Variants in CSAD observed in about 807,000 individuals in gnomAD.
The protein encoded by CSAD is cysteine sulfinic acid decarboxylase.
In CSAD, 47 loss-of-function variants were observed where a neutral mutation model predicts 61.5. The ratio of observed to expected loss-of-function variants is 0.76; its 90% confidence interval spans 0.60 to 0.97. The LOEUF is 0.97. CSAD is among the 50% of genes least tolerant of loss of function. The pLI, the probability that CSAD is intolerant of heterozygous loss-of-function variation, is 0.00. For missense variants in CSAD, 611 were observed against 643.6 expected (o/e 0.95, Z 0.55); for synonymous variants, 245 against 252.7 (o/e 0.97, Z 0.29).
Position 53,161,342 on chromosome 12 carries a change from T to G in CSAD, c.750A>C (p.Leu250=). ...LVSATSGTTV[L]GAFDPLEAIA... is the part of the protein sequence containing the mutation. ...TTGCCTCCAGGGGGTCAAAGGCCCC[T>G]AGCACAGTGGTGCCAGAGGTGGCAC... The change falls in exon 11 of 17, where the codon CTA becomes CTC. Residue 250 remains leucine (L), a synonymous_variant. Transcript: ENST00000444623. The G allele has an allele frequency of 3.7e-6, 6 of 1,613,978 alleles. No individual in the cohort carries two copies. Among genetic ancestry groups the G allele is most frequent in the Non-Finnish European group, 5.1e-6 (6 of 1,179,984 alleles).
chr12:53,166,808 C>CA (rs1480310116), intron 10 of CSAD, among the ~76,000 whole-genome samples: 1 of 150,834 alleles, frequency 6.6e-6, no homozygotes, highest in Non-Finnish European at 1.5e-5. Flanking sequence ...AAAAACAAAA[C>CA]AAAACAAAAC....
chr12:53,172,613 C>T lies in CSAD; in HGVS notation c.162G>A (p.Gln54=). Residue 54 remains glutamine (Q), a synonymous_variant, in exon 5 of 17, where the codon CAG becomes CAA. Transcript: ENST00000444623. The part of the protein sequence containing the change: ...CEWKEPEELK[Q]LLDLELRSQG... ...GGCTCCGCAGCTCCAAATCCAGCAG[C>T]TGCTTCAGCTCCTCAGGCTCCTTCC... The T allele has an allele frequency of 6.2e-7, 1 of 1,610,312 alleles. No homozygotes were observed. Among genetic ancestry groups the T allele is most frequent in the Admixed American group, 1.7e-5 (1 of 59,764 alleles).
intron 1 of CSAD, chr12:53,180,267 C>A (rs1941471082): frequency 1.0e-6 from 1 of 985,300 alleles, no homozygotes; most frequent in Non-Finnish European, 1.2e-6. Context: ...GAAGAACCAC[C>A]TCGGCCGAGT....
intron 9 of CSAD, 50 bp from the exon 10 acceptor site, chr12:53,170,176 G>T: frequency 1.3e-6 from 2 of 1,547,888 alleles, no homozygotes; most frequent in Non-Finnish European, 1.8e-6. Context: ...CTCTGTTGAA[G>T]GCAGGGTAAG....
intron 3 of CSAD, 80 bp from the exon 4 acceptor site, chr12:53,173,556 C>A (rs561176926): frequency 2.2e-5 from 35 of 1,609,770 alleles, no homozygotes; most frequent in Non-Finnish European, 3.0e-5. Flanking sequence ...CTCTCCCAAA[C>A]GGGCCTGAGG....
Position 53,170,108 on chromosome 12 carries a change from C to A in CSAD, c.666G>T (p.Glu222Asp). 6.2e-7 allele frequency: 1 copy of A among 1,614,120 alleles called. No individual in the cohort carries two copies. The highest frequency in any genetic ancestry group is 8.5e-7 in the Non-Finnish European group (1 of 1,180,018). Residue 222 changes from glutamate to aspartate, a missense_variant, in exon 10 of 17, where the codon GAG becomes GAT. Glu to Asp is a conservative substitution (Grantham distance 45). Coordinates refer to ENST00000444623, the MANE Select transcript of CSAD (RefSeq NM_001244705.2). ...CCATACCAATCTGCCTCTCCAGATC[C>A]TCGGGGACCATTTTCCCTCTGAAAA... Reference protein sequence around the residue: ...KADERGKMVPEDLERQIGMAE... With the variant: ...KADERGKMVPDDLERQIGMAE...
At position 53,159,736 on chromosome 12, in the gene CSAD, G is replaced by A. The variant is rs115020643; in HGVS notation, c.1219-24C>T. ...GGCTGAGAGGAATGAGAAAGAGGAA[G>A]GTGTGAGCTGAGAAAGGGGGACCGT... On this transcript the variant is annotated intron_variant, in intron 15 of 16. Transcript: ENST00000444623. 932 of 1,589,064 alleles carry A rather than the reference G, an allele frequency of 5.9e-4. 4 individuals are homozygous for A. The African/African-American group carries it at 0.011, about 19-fold the overall frequency.
intron 2 of CSAD, among the ~76,000 whole-genome samples, chr12:53,176,204 G>A (rs1275153636): frequency 3.3e-5 from 5 of 152,046 alleles, no homozygotes; most frequent in Non-Finnish European, 7.4e-5. Context: ...GAGGTCAGGA[G>A]TTCGAGACCA....
At chr12:53,176,014 T>C (rs573046483) in intron 2 of CSAD, among the ~76,000 whole-genome samples, 33 of 152,134 alleles carry the variant, frequency 2.2e-4, no homozygotes, top group Admixed American at 1.1e-3. Context: ...CAGGTCCGTG[T>C]GGCATTTCTC....
intron 8 of CSAD, 60 bp downstream of exon 8, chr12:53,171,266 A>C: frequency 6.2e-7 from 1 of 1,611,128 alleles, no homozygotes; most frequent in Non-Finnish European, 8.5e-7. Flanking sequence ...GAAGGTCTCT[A>C]CTTAGCTGGC....
At chr12:53,163,617 A>C (rs918476973) in intron 10 of CSAD, among the ~76,000 whole-genome samples, 31 of 152,254 alleles carry the variant, frequency 2.0e-4, no homozygotes, top group African/African-American at 7.5e-4. Flanking sequence ...TAACAAAAGA[A>C]GTATAAAGCA....
intron 10 of CSAD, among the ~76,000 whole-genome samples, chr12:53,168,621 T>G (rs1042938873): frequency 1.3e-5 from 2 of 152,170 alleles, no homozygotes; most frequent in African/African-American, 4.8e-5. Flanking sequence ...GTATATATAT[T>G]CTCACCTATT....
chr12:53,165,450 G>T (rs1459365563), intron 10 of CSAD, among the ~76,000 whole-genome samples: 1 of 151,846 alleles, frequency 6.6e-6, no homozygotes, highest in Non-Finnish European at 1.5e-5. Flanking sequence ...CACAAGGTTG[G>T]GAGATCGAGA....
At chr12:53,180,199 C>T (rs1941462021) in intron 1 of CSAD, 4 of 985,216 alleles carry the variant, frequency 4.1e-6, no homozygotes, top group Non-Finnish European at 4.8e-6. Context: ...GAAAAGTTAA[C>T]GCCTCTCCCA....
chr12:53,163,230 G>A (rs1412277669), intron 10 of CSAD, among the ~76,000 whole-genome samples: 1 of 152,016 alleles, frequency 6.6e-6, no homozygotes, highest in Non-Finnish European at 1.5e-5. Context: ...GTGAGGCCCT[G>A]TCTCCAAAAA....
chr12:53,179,795 A>G (rs143436878), intron 1 of CSAD: 280 of 1,613,546 alleles, frequency 1.7e-4, no homozygotes, highest in Non-Finnish European at 2.2e-4. Flanking sequence ...TGAGGACTTC[A>G]GTGGAATTGA....
intron 2 of CSAD, among the ~76,000 whole-genome samples, chr12:53,176,146 ATCCCAGC>A (rs1012615445): frequency 6.6e-6 from 1 of 152,248 alleles, no homozygotes; most frequent in Non-Finnish European, 1.5e-5. Flanking sequence ...CAAGCCTGTA[ATCCCAGC>A]ACTTGGGAGG....
Position 53,161,268 on chromosome 12 carries a change from C to T in CSAD, c.819+5G>A. The stretch of plus-strand genomic sequence containing the variant: ...ACCGCACCCCCAAGCCGAAGTCCCA[C>T]TCACATCCACATGCAGCCATAGCCC... On this transcript the variant is annotated splice_donor_5th_base_variant and intron_variant, in intron 11 of 16. Transcript: ENST00000444623. 1 of 1,614,018 alleles carries T rather than the reference C, an allele frequency of 6.2e-7. No homozygotes were observed. The highest frequency in any genetic ancestry group is 8.5e-7 in the Non-Finnish European group (1 of 1,179,934).
chr12:53,174,817 T>A (rs1359228903), intron 2 of CSAD, among the ~76,000 whole-genome samples: 1 of 151,938 alleles, frequency 6.6e-6, no homozygotes, highest in African/African-American at 2.4e-5. Context: ...TATGGAGGAA[T>A]TAAGGGGGTA....
Sources: gnomAD v4.1 joint callset for allele counts (sites outside exome capture counted in the v4.1 genomes callset) on GRCh38, gnomAD v4.1.1 for gene constraint, MANE v1.5 for transcripts, NCBI Gene and HGNC (gene_info 2026-07-23, HGNC 2026-07-21) for gene names.